FGF14: variants seen among roughly 807,000 people sequenced by gnomAD.
FGF14 encodes the protein fibroblast growth factor homologous factor 4.
Under a neutral mutation model 25.5 loss-of-function variants are expected in FGF14, and 5 were observed. The observed-to-expected ratio is 0.20, with a 90% CI of 0.10 to 0.41. The LOEUF (loss-of-function observed/expected upper bound fraction) is 0.41, where lower values mean the gene tolerates loss of function less well. Ranked by LOEUF, FGF14 falls within the 10% of genes least tolerant of loss-of-function variation. FGF14 has a pLI of 1.00. For missense variants in FGF14, 222 were observed against 320.1 expected, an observed-to-expected ratio of 0.69 and a Z score of 2.34; for synonymous variants, 138 against 118.3, an observed-to-expected ratio of 1.17 and a Z score of -1.08.
chr13:102,187,812 T>G (rs1052425422), intron 1 of FGF14, among the ~76,000 whole-genome samples: 3 of 152,146 alleles, frequency 2.0e-5, no homozygotes, highest in African/African-American at 7.2e-5. Flanking sequence ...ACTAGGCCCT[T>G]TTCCGCTATC....
rs1264293327 is a variant in FGF14, at chr13:101,940,827, C to G, written c.209-65531G>C. Among the ~76,000 whole-genome samples, 5 of 152,132 alleles carry G rather than the reference C, an allele frequency of 3.3e-5. 1 individual carries two copies. The East Asian group carries it at 9.6e-4, about 29-fold the overall frequency. On this transcript the variant is annotated intron_variant, in intron 1 of 4. Transcript: ENST00000376131. ...ATTGCTCTATTCCCTGCTCCCAGCA[C>G]AGTAAAATTCAACAAATATTGAAAG...
At chr13:102,119,701 T>C (rs1263469773) in intron 1 of FGF14, among the ~76,000 whole-genome samples, 1 of 152,224 alleles carries the variant, frequency 6.6e-6, no homozygotes, top group East Asian at 1.9e-4. Context: ...TGTATGTATG[T>C]GCACACACGT....
chr13:102,134,187 T>C (rs956965191), intron 1 of FGF14, among the ~76,000 whole-genome samples: 2 of 152,162 alleles, frequency 1.3e-5, no homozygotes, highest in Admixed American at 6.5e-5. Flanking sequence ...TGCATTCTAA[T>C]GAAGGACATG....
At chr13:101,983,057 A>C (rs1023976234) in intron 1 of FGF14, among the ~76,000 whole-genome samples, 1 of 152,190 alleles carries the variant, frequency 6.6e-6, no homozygotes, top group African/African-American at 2.4e-5. Context: ...GAGTACTGCC[A>C]GCAGTTGATA....
intron 3 of FGF14, among the ~76,000 whole-genome samples, chr13:101,867,844 AG>A (rs1347492423): frequency 6.6e-6 from 1 of 151,752 alleles, no homozygotes; most frequent in African/African-American, 2.4e-5. Context: ...TGAAGAAAAT[AG>A]ATTACATTTT....
chr13:102,292,358 T>C (rs980331271), intron 1 of FGF14: 2 of 151,748 alleles, frequency 1.3e-5, no homozygotes, highest in African/African-American at 4.8e-5. Context: ...ATTGTTATTC[T>C]TGAGGATAAA....
At chr13:102,294,394 T>C (rs1238888428) in intron 1 of FGF14, among the ~76,000 whole-genome samples, 15 of 151,982 alleles carry the variant, frequency 9.9e-5, no homozygotes, top group Non-Finnish European at 2.2e-4. Context: ...CACTGCTTTT[T>C]TCTAGAAGAC....
intron 1 of FGF14, among the ~76,000 whole-genome samples, chr13:101,957,958 AAAAT>A (rs1231305901): frequency 6.6e-6 from 1 of 152,250 alleles, no homozygotes; most frequent in African/African-American, 2.4e-5. Flanking sequence ...ATAATGAACT[AAAAT>A]AGAGTAAATA....
intron 1 of FGF14, among the ~76,000 whole-genome samples, chr13:102,365,006 C>T (rs2057668964): frequency 6.6e-6 from 1 of 152,110 alleles, no homozygotes; most frequent in Non-Finnish European, 1.5e-5. Flanking sequence ...AAAAATTTAC[C>T]TAACTTCCAA....
chr13:101,824,454 T>C (rs1307483861), intron 3 of FGF14, among the ~76,000 whole-genome samples: 1 of 152,212 alleles, frequency 6.6e-6, no homozygotes, highest in African/African-American at 2.4e-5. Context: ...TCGTTTTCTC[T>C]CCTTTCTTGA....
chr13:102,205,955 G>T, intron 1 of FGF14, among the ~76,000 whole-genome samples: 1 of 123,964 alleles, frequency 8.1e-6, no homozygotes, highest in Admixed American at 1.0e-4. Context: ...TGGCTTCCAC[G>T]AGAAGGTAGC....
chr13:102,203,563 A>G (rs2049768347), intron 1 of FGF14, among the ~76,000 whole-genome samples: 2 of 152,166 alleles, frequency 1.3e-5, no homozygotes, highest in South Asian at 4.2e-4. Flanking sequence ...ACAAAATGAG[A>G]CCAATAAGAG....
At chr13:101,981,402 A>G (rs1467040627) in intron 1 of FGF14, among the ~76,000 whole-genome samples, 1 of 152,206 alleles carries the variant, frequency 6.6e-6, no homozygotes, top group African/African-American at 2.4e-5. Context: ...CAAATCTGCC[A>G]GCACCTTGAT....
At chr13:102,039,973 T>A (rs552895001) in intron 1 of FGF14, among the ~76,000 whole-genome samples, 11 of 131,036 alleles carry the variant, frequency 8.4e-5, no homozygotes, top group Admixed American at 3.4e-4. Context: ...TGTGTTTACA[T>A]GTTAAAAAAA....
chr13:102,178,448 A>G lies in FGF14; in HGVS notation c.208+223023T>C, dbSNP rs561828648. On this transcript the variant is annotated intron_variant, in intron 1 of 4. Coordinates refer to the FGF14 transcript ENST00000376131. ...GTAAAAGTATAGTTTTATTTCATGG[A>G]TATAATGCATAAGGGTGAAGTCTGG... Among the ~76,000 whole-genome samples the G allele has an allele frequency of 3.3e-5, 5 of 152,262 alleles. No homozygotes were observed. The South Asian group carries it at 1.0e-3, about 32-fold the overall frequency.
intron 1 of FGF14, among the ~76,000 whole-genome samples, chr13:101,938,311 GCTGT>G (rs1176770016): frequency 1.3e-5 from 2 of 152,196 alleles, no homozygotes; most frequent in Non-Finnish European, 2.9e-5. Flanking sequence ...CATAGAGAGG[GCTGT>G]CTGTCATGTG....
intron 1 of FGF14, among the ~76,000 whole-genome samples, chr13:101,930,706 C>T (rs2034696749): frequency 6.6e-6 from 1 of 152,226 alleles, no homozygotes; most frequent in South Asian, 2.1e-4. Flanking sequence ...CACTCACACA[C>T]ACACTCACAC....
intron 1 of FGF14, among the ~76,000 whole-genome samples, chr13:101,900,627 G>A (rs2031412951): frequency 1.3e-5 from 2 of 152,114 alleles, no homozygotes; most frequent in Non-Finnish European, 2.9e-5. Context: ...AAGTAGGCAA[G>A]ACTAATATAT....
intron 3 of FGF14, among the ~76,000 whole-genome samples, chr13:101,859,484 A>G (rs552279563): frequency 6.8e-4 from 104 of 152,258 alleles, no homozygotes; most frequent in African/African-American, 2.3e-3. Context: ...ATAGCTGACA[A>G]TGGAAGGAGT....
Sources: allele counts gnomAD v4.1 joint callset (sites outside exome capture counted in the v4.1 genomes callset), GRCh38; gene constraint gnomAD v4.1.1; transcripts MANE v1.5; gene names NCBI Gene and HGNC (gene_info 2026-07-23, HGNC 2026-07-21).